Variants in S100PBP observed in about 807,000 individuals in gnomAD.
The protein encoded by S100PBP is S100P binding protein.
S100PBP carries 15 observed loss-of-function variants against 39.9 expected under a neutral mutation model. That is an observed-to-expected ratio of 0.38 (90% CI 0.25 to 0.58). S100PBP has a LOEUF of 0.58. Ranked by LOEUF, S100PBP falls within the 20% of genes least tolerant of loss-of-function variation. S100PBP has a pLI of 0.70. For synonymous variants in S100PBP, 178 were observed against 180.3 expected (o/e 0.99, Z 0.10); for missense variants, 504 against 487.3 (o/e 1.03, Z -0.32).
chr1:32,826,501 C>G lies in S100PBP; in HGVS notation c.402C>G (p.Asn134Lys). ...GHGPAHTKPL[N>K]RRSVLEKNLI... Reference sequence around the variant, plus strand: ...GACCAGCTCATACTAAACCATTAAACAGACGCTCTGTACTAGAAAAGAATC... The same window carrying G: ...GACCAGCTCATACTAAACCATTAAAGAGACGCTCTGTACTAGAAAAGAATC... Residue 134 changes from asparagine to lysine, a missense_variant, in exon 3 of 7, where the codon AAC becomes AAG. By Grantham distance (94) the Asn-to-Lys change is moderately conservative (BLOSUM62 0). Coordinates refer to ENST00000373475, the MANE Select transcript of S100PBP (RefSeq NM_022753.4). 1 of 1,614,092 alleles carries G rather than the reference C, an allele frequency of 6.2e-7. No individual in the cohort carries two copies. Among genetic ancestry groups the G allele is most frequent in the Middle Eastern group, 1.6e-4 (1 of 6,062 alleles).
upstream of S100PBP, chr1:32,817,496 G>A (rs1638787653): frequency 1.7e-6 from 1 of 603,394 alleles, no homozygotes; most frequent in Non-Finnish European, 2.9e-6. Flanking sequence ...CGGAGGGCGG[G>A]GCTGAGGCGC....
upstream of S100PBP, among the ~76,000 whole-genome samples, chr1:32,816,604 T>G (rs545138274): frequency 6.6e-6 from 1 of 152,314 alleles, no homozygotes; most frequent in African/African-American, 2.4e-5. Flanking sequence ...TTCTGTTTCC[T>G]CCATCTGAAA....
Position 32,826,390 on chromosome 1 carries a change from GA to G in S100PBP, c.296del (p.Asn99IlefsTer9). ...SQILLDTPRE[K>X]NSSYSLGPVA... ...AAATTCTACTTGATACTCCCCGAGAGAAAAATTCATCGTACAGCCTGGGACC... is the reference window on the plus strand; with the variant it reads ...AAATTCTACTTGATACTCCCCGAGAGAAAATTCATCGTACAGCCTGGGACC... On this transcript the variant is annotated frameshift_variant, in exon 3 of 7. Transcript: ENST00000373475. LOFTEE classifies it high-confidence loss of function. 6.2e-7 allele frequency: 1 copy of G among 1,614,144 alleles called. No individual in the cohort carries two copies. The highest frequency in any genetic ancestry group is 8.5e-7 in the Non-Finnish European group (1 of 1,180,026).
intron 5 of S100PBP, among the ~76,000 whole-genome samples, chr1:32,848,270 G>A (rs1409049167): frequency 1.3e-5 from 2 of 152,112 alleles, no homozygotes; most frequent in South Asian, 2.1e-4. Context: ...TCGAGTCACT[G>A]CACTCCAGCC....
chr1:32,849,146 T>C (rs1206749440), intron 5 of S100PBP, among the ~76,000 whole-genome samples: 1 of 150,060 alleles, frequency 6.7e-6, no homozygotes, highest in African/African-American at 2.4e-5. Flanking sequence ...TCTTTCTTTT[T>C]TTTTCTTTTT....
chr1:32,818,943 G>T (rs1638906698), intron 1 of S100PBP: 1 of 152,228 alleles, frequency 6.6e-6, no homozygotes. Context: ...GTACCTGTCA[G>T]ACCCTGCTTG....
intron 5 of S100PBP, chr1:32,843,064 T>C: frequency 6.6e-6 from 1 of 152,314 alleles, no homozygotes; most frequent in East Asian, 1.9e-4. Context: ...AATTTCAGTA[T>C]CTGTTCATTG....
At chr1:32,855,099 G>A (rs1434644583) in intron 6 of S100PBP, among the ~76,000 whole-genome samples, 3 of 152,144 alleles carry the variant, frequency 2.0e-5, no homozygotes. Context: ...GTCAGGTACT[G>A]TTACAGTTAT....
intron 5 of S100PBP, among the ~76,000 whole-genome samples, chr1:32,842,202 A>AC (rs1640132592): frequency 1.2e-5 from 1 of 84,920 alleles, no homozygotes; most frequent in African/African-American, 4.6e-5. Context: ...AAAAAAAAAA[A>AC]ACATATATAT....
At position 32,856,212 on chromosome 1, in the gene S100PBP, T is replaced by G. The variant is rs1315432395; in HGVS notation, c.*174T>G. On this transcript the variant is annotated 3_prime_UTR_variant, in exon 7 of 7. Coordinates refer to ENST00000373475, the MANE Select transcript of S100PBP (RefSeq NM_022753.4). ...TGCCCATTGCCGACTTGAATTTTTT[T>G]GTATGAAGTCCCTCCTGATTTTGTG... is the stretch of plus-strand genomic sequence containing the variant. 1 of 458,950 alleles carries G rather than the reference T, an allele frequency of 2.2e-6. No homozygotes were observed. Among genetic ancestry groups the G allele is most frequent in the African/African-American group, 2.0e-5 (1 of 50,102 alleles). The allele number at this position is 458,950 out of a possible 1,614,324, so 28.4% of individuals were successfully genotyped here.
Position 32,822,334 on chromosome 1 carries a change from C to T in S100PBP, c.-119-2979C>T, listed in dbSNP as rs1291436507. Among the ~76,000 whole-genome samples the T allele has an allele frequency of 4.6e-5, 7 of 152,042 alleles. No individual in the cohort carries two copies. In the South Asian group the frequency reaches 6.2e-4, roughly 14 times the overall value. On this transcript the variant is annotated intron_variant, in intron 1 of 6. Coordinates refer to ENST00000373475, the MANE Select transcript of S100PBP (RefSeq NM_022753.4). ...GTACTTTTGAAAATGAGGAAATGGCCGGGCGCGGTGGCTCACGCCTGTAAT... is the reference window on the plus strand; with the variant it reads ...GTACTTTTGAAAATGAGGAAATGGCTGGGCGCGGTGGCTCACGCCTGTAAT...
chr1:32,827,783 GTTTTTTT>G (rs35149609), intron 3 of S100PBP, among the ~76,000 whole-genome samples: 9 of 130,416 alleles, frequency 6.9e-5, no homozygotes, highest in Admixed American at 6.2e-4. Context: ...ACCTGGCCAG[GTTTTTTT>G]TTTTTTTTTT....
upstream of S100PBP, chr1:32,817,333 G>T (rs1243316889): frequency 6.5e-7 from 1 of 1,544,010 alleles, no homozygotes; most frequent in Admixed American, 1.7e-5. Context: ...GAACTGTCAC[G>T]CGAGTCCAGC....
intron 5 of S100PBP, among the ~76,000 whole-genome samples, chr1:32,852,338 A>C (rs1640645911): frequency 6.6e-6 from 1 of 152,116 alleles, no homozygotes; most frequent in South Asian, 2.1e-4. Flanking sequence ...ATTTCAGGCA[A>C]GTTCACCTCC....
intron 5 of S100PBP, chr1:32,847,718 T>C (rs1221557449): frequency 6.6e-6 from 1 of 152,180 alleles, no homozygotes; most frequent in Non-Finnish European, 1.5e-5. Flanking sequence ...TTTGTTGACC[T>C]AGAGGTGACA....
intron 5 of S100PBP, among the ~76,000 whole-genome samples, chr1:32,831,466 A>T (rs1018946008): frequency 3.3e-5 from 5 of 152,034 alleles, no homozygotes; most frequent in Non-Finnish European, 7.4e-5. Context: ...CCTTTTGCAG[A>T]GGAGACTCTT....
intron 5 of S100PBP, among the ~76,000 whole-genome samples, chr1:32,844,739 T>C (rs1417395643): frequency 6.6e-6 from 1 of 151,900 alleles, no homozygotes; most frequent in Non-Finnish European, 1.5e-5. Context: ...TGATTTCTAT[T>C]CCGAGATAGA....
chr1:32,836,720 A>G (rs1257513437), intron 5 of S100PBP: 4 of 328,120 alleles, frequency 1.2e-5, no homozygotes, highest in Non-Finnish European at 1.3e-5. Context: ...TCATCCCAGG[A>G]TTTTCCTCTG....
intron 4 of S100PBP, among the ~76,000 whole-genome samples, chr1:32,828,698 T>A (rs1265197771): frequency 6.6e-6 from 1 of 152,092 alleles, no homozygotes; most frequent in Non-Finnish European, 1.5e-5. Flanking sequence ...TTACATTAAT[T>A]TTGCTTAAAA....
Sources: allele counts gnomAD v4.1 joint callset (sites outside exome capture counted in the v4.1 genomes callset), GRCh38; gene constraint gnomAD v4.1.1; transcripts MANE v1.5; gene names NCBI Gene and HGNC (gene_info 2026-07-23, HGNC 2026-07-21).